The following HEPH variants were observed in gnomAD, a reference collection of about 807,000 sequenced individuals.
HEPH encodes hephaestin.
In HEPH, 69 loss-of-function variants were observed where a neutral mutation model predicts 80.8. The ratio of observed to expected loss-of-function variants is 0.85; its 90% CI spans 0.70 to 1.04. HEPH has a LOEUF of 1.04. HEPH is among the 50% of genes least tolerant of loss of function. HEPH has a pLI of 0.00. For synonymous variants in HEPH, 431 were observed against 322.8 expected (o/e 1.34, Z -3.60); for missense variants, 1,115 against 891.3 (o/e 1.25, Z -3.20).
intron 15 of HEPH, among the ~76,000 whole-genome samples, chrX:66,231,363 T>G (rs2090131458): frequency 2.9e-5 from 3 of 102,223 alleles, no homozygotes; most frequent in African/African-American, 1.1e-4. Flanking sequence ...TAAATTACCT[T>G]GGGCAGTATG....
chrX:66,202,785 A>G (rs1187601571), intron 12 of HEPH, among the ~76,000 whole-genome samples: 6 of 109,338 alleles, frequency 5.5e-5, no homozygotes, highest in African/African-American at 2.0e-4. Flanking sequence ...GTTCTATACT[A>G]AGCACTGTTC....
chrX:66,179,855 C>A (rs2087009582), intron 4 of HEPH, among the ~76,000 whole-genome samples: 1 of 111,490 alleles, frequency 9.0e-6, no homozygotes, highest in African/African-American at 3.3e-5. Flanking sequence ...TCTCTTTTAA[C>A]TGTTGTTGCT....
chrX:66,242,005 GA>G (rs368018000), intron 15 of HEPH, among the ~76,000 whole-genome samples: 4 of 103,119 alleles, frequency 3.9e-5, no homozygotes, highest in Admixed American at 1.1e-4. Flanking sequence ...CACAGAATTA[GA>G]AAAAAAACTA....
chrX:66,197,757 G>A lies in HEPH; in HGVS notation c.1576G>A (p.Gly526Ser), dbSNP rs749414232. The change falls in exon 10 of 21, where the codon GGT becomes AGT. Residue 526 changes from glycine to serine, a missense_variant. By Grantham distance (56) the Gly-to-Ser change is moderately conservative. This residue lies in a region of HEPH where 716 missense variants were observed against 523.5 expected (regional missense o/e 1.37). Coordinates refer to ENST00000343002, the MANE Select transcript of HEPH (RefSeq NM_001367233.3). ...TYRWTVPPHA[G>S]PTAQDPACLT... ...CCGCTGGACAGTCCCCCCTCATGCCGGTCCCACTGCTCAGGATCCTGCTTG... is the reference window on the plus strand; with the variant it reads ...CCGCTGGACAGTCCCCCCTCATGCCAGTCCCACTGCTCAGGATCCTGCTTG... 20 of 1,209,690 alleles carry A rather than the reference G, an allele frequency of 1.7e-5. No individual in the cohort carries two copies. Among genetic ancestry groups the A allele is most frequent in the Non-Finnish European group, 2.1e-5 (19 of 894,871 alleles).
At chrX:66,202,666 A>C (rs1245595579) in intron 12 of HEPH, among the ~76,000 whole-genome samples, 1 of 110,166 alleles carries the variant, frequency 9.1e-6, no homozygotes, top group East Asian at 2.8e-4. Context: ...AGTCTACTTT[A>C]TTTCTTTGGT....
At chrX:66,214,155 T>C (rs1429314572) in intron 15 of HEPH, among the ~76,000 whole-genome samples, 3 of 111,754 alleles carry the variant, frequency 2.7e-5, no homozygotes, top group African/African-American at 6.5e-5. Context: ...AGCATGTAGA[T>C]GATATTTAAA....
chrX:66,250,074 G>A (rs916342690), intron 15 of HEPH, among the ~76,000 whole-genome samples: 2 of 110,806 alleles, frequency 1.8e-5, no homozygotes, highest in Non-Finnish European at 3.8e-5. Context: ...AGGAGAGTAG[G>A]GATCTTCTCA....
intron 1 of HEPH, among the ~76,000 whole-genome samples, chrX:66,167,522 T>A (rs1238267433): frequency 8.9e-6 from 1 of 112,432 alleles, no homozygotes; most frequent in Non-Finnish European, 1.9e-5. Flanking sequence ...TTGACACCTC[T>A]CTGAGAAAGA....
intron 15 of HEPH, among the ~76,000 whole-genome samples, chrX:66,249,039 G>A (rs770569729): frequency 6.8e-4 from 76 of 111,748 alleles, no homozygotes; most frequent in African/African-American, 2.4e-3. Context: ...GTATGAAATT[G>A]TTGATTCAAA....
At chrX:66,235,410 C>A (rs1427586732) in intron 15 of HEPH, among the ~76,000 whole-genome samples, 1 of 112,122 alleles carries the variant, frequency 8.9e-6, no homozygotes, top group Non-Finnish European at 1.9e-5. Context: ...CAGTCTTCTG[C>A]ATATGGCTAG....
intron 15 of HEPH, among the ~76,000 whole-genome samples, chrX:66,235,612 T>C (rs1207428029): frequency 1.8e-5 from 2 of 112,023 alleles, no homozygotes; most frequent in Non-Finnish European, 3.8e-5. Flanking sequence ...TGTAGCTTGT[T>C]AGTATAGTTT....
intron 9 of HEPH, among the ~76,000 whole-genome samples, chrX:66,195,648 T>C (rs2088047561): frequency 9.0e-6 from 1 of 111,618 alleles, no homozygotes; most frequent in South Asian, 3.7e-4. Flanking sequence ...TGTTTGTTTT[T>C]CTATGCCATT....
At chrX:66,245,872 G>C (rs1329664283) in intron 15 of HEPH, among the ~76,000 whole-genome samples, 1 of 112,420 alleles carries the variant, frequency 8.9e-6, no homozygotes, top group Admixed American at 9.4e-5. Flanking sequence ...GAATGGTTTT[G>C]ATTCTAGTCT....
At chrX:66,205,333 A>G (rs1426286815) in intron 13 of HEPH, among the ~76,000 whole-genome samples, 1 of 111,619 alleles carries the variant, frequency 9.0e-6, no homozygotes, top group Non-Finnish European at 1.9e-5. Context: ...TACCACTTAT[A>G]AGTGAGAACT....
chrX:66,226,204 G>C (rs1357191207), intron 15 of HEPH, among the ~76,000 whole-genome samples: 1 of 112,148 alleles, frequency 8.9e-6, no homozygotes, highest in Non-Finnish European at 1.9e-5. Flanking sequence ...CGGGCTGTCT[G>C]CTTATGGAAT....
Position 66,260,220 on chromosome X carries a change from C to T in HEPH, c.3157C>T (p.His1053Tyr), listed in dbSNP as rs1296268687. ...LMHCHVTDHV[H>Y]AGMETLFTVF... is the part of the protein sequence containing the mutation. ...GCACTGCCATGTGACTGACCATGTC[C>T]ATGCTGGCATGGAGACCCTCTTCAC... The change falls in exon 19 of 21, where the codon CAT (histidine) becomes TAT (tyrosine). Residue 1053 changes from histidine to tyrosine, a missense_variant. Around this residue, in one of 3 missense-constraint regions of HEPH, gnomAD observed 716 missense variants for 523.5 expected, o/e 1.37. Transcript: ENST00000343002. 1 of 1,206,874 alleles carries T rather than the reference C, an allele frequency of 8.3e-7. No individual in the cohort carries two copies. The highest frequency in any genetic ancestry group is 1.1e-6 in the Non-Finnish European group (1 of 893,348).
chrX:66,230,109 C>G (rs1437883850), intron 15 of HEPH, among the ~76,000 whole-genome samples: 1 of 98,322 alleles, frequency 1.0e-5, no homozygotes, highest in Non-Finnish European at 2.0e-5. Flanking sequence ...ATGAACTCAT[C>G]ATTTTTTATG....
chrX:66,223,911 C>A (rs1228128749), intron 15 of HEPH, among the ~76,000 whole-genome samples: 2 of 111,355 alleles, frequency 1.8e-5, no homozygotes, highest in African/African-American at 6.5e-5. Flanking sequence ...TGCATAAATT[C>A]TTTTTTATAA....
chrX:66,252,815 A>G (rs548801036), intron 15 of HEPH, among the ~76,000 whole-genome samples: 1 of 111,754 alleles, frequency 8.9e-6, no homozygotes, highest in South Asian at 3.7e-4. Flanking sequence ...TTTTTGGTCA[A>G]TTGATTTTCA....
Sources: allele counts gnomAD v4.1 joint callset (sites outside exome capture counted in the v4.1 genomes callset), GRCh38; gene constraint gnomAD v4.1.1; regional missense constraint gnomAD v4.1.1; transcripts MANE v1.5; gene names NCBI Gene and HGNC (gene_info 2026-07-23, HGNC 2026-07-21).